ZDHHC7: variants seen among roughly 807,000 people sequenced by gnomAD.
ZDHHC7 encodes the protein palmitoyltransferase ZDHHC7.
In ZDHHC7, 12 loss-of-function variants were observed where a neutral mutation model predicts 34.1. The observed-to-expected ratio is 0.35, with a 90% CI of 0.23 to 0.57. The LOEUF (loss-of-function observed/expected upper bound fraction) is 0.57, where lower values mean the gene tolerates loss of function less well. ZDHHC7 is among the 20% of genes least tolerant of loss of function. The pLI, the probability that ZDHHC7 is intolerant of heterozygous loss-of-function variation, is 0.84. For synonymous variants in ZDHHC7, 185 were observed against 155.4 expected (o/e 1.19, Z -1.42); for missense variants, 388 against 402.7 (o/e 0.96, Z 0.31).
At chr16:85,008,441 C>G (rs980747228) in intron 1 of ZDHHC7, among the ~76,000 whole-genome samples, 5 of 152,044 alleles carry the variant, frequency 3.3e-5, no homozygotes, top group African/African-American at 1.2e-4. Context: ...GCCTTTGGTG[C>G]TTCCCCATCT....
chr16:85,024,928 C>T, the ZDHHC7 span, among the ~76,000 whole-genome samples: 1 of 152,128 alleles, frequency 6.6e-6, no homozygotes, highest in Non-Finnish European at 1.5e-5. Flanking sequence ...TCCATGGGGG[C>T]TGCTAAGCTG....
intron 3 of ZDHHC7, among the ~76,000 whole-genome samples, chr16:84,988,179 A>T (rs1420102157): frequency 6.6e-6 from 1 of 152,174 alleles, no homozygotes; most frequent in Admixed American, 6.5e-5. Context: ...TCAAAAAAAA[A>T]AGTCTGTGAA....
intron 3 of ZDHHC7, among the ~76,000 whole-genome samples, chr16:84,988,102 C>T (rs1402467853): frequency 6.6e-5 from 10 of 152,082 alleles, no homozygotes; most frequent in Non-Finnish European, 1.0e-4. Flanking sequence ...CCCCTGGGGG[C>T]GGAGGTTGCA....
chr16:84,987,448 G>T (rs1047318387), intron 3 of ZDHHC7, among the ~76,000 whole-genome samples: 8 of 145,262 alleles, frequency 5.5e-5, no homozygotes, highest in Admixed American at 3.4e-4. Flanking sequence ...TTTGGGGTTT[G>T]TTTTTTTTTT....
chr16:85,026,503 C>T, the ZDHHC7 span, among the ~76,000 whole-genome samples: 7 of 151,952 alleles, frequency 4.6e-5, no homozygotes. Context: ...CTGAAGGCTC[C>T]ATAACCCTCA....
At chr16:85,022,076 C>G in the ZDHHC7 span, among the ~76,000 whole-genome samples, 1 of 151,068 alleles carries the variant, frequency 6.6e-6, no homozygotes, top group African/African-American at 2.4e-5. Context: ...AGGAGAATGG[C>G]GTGAACCCGG....
chr16:84,978,421 G>C (rs1009542287), intron 5 of ZDHHC7, among the ~76,000 whole-genome samples: 1 of 152,190 alleles, frequency 6.6e-6, no homozygotes, highest in Non-Finnish European at 1.5e-5. Flanking sequence ...GATCATATTA[G>C]ACCAAGTAGA....
At chr16:84,985,462 G>A (rs1380832012) in intron 3 of ZDHHC7, among the ~76,000 whole-genome samples, 1 of 152,180 alleles carries the variant, frequency 6.6e-6, no homozygotes, top group African/African-American at 2.4e-5. Flanking sequence ...AAATGCTGGG[G>A]ACGAGGAGCA....
At chr16:84,985,118 C>T (rs2072420025) in intron 3 of ZDHHC7, among the ~76,000 whole-genome samples, 1 of 152,240 alleles carries the variant, frequency 6.6e-6, no homozygotes, top group Non-Finnish European at 1.5e-5. Flanking sequence ...GGCTCCAGGC[C>T]ATGGGATGCC....
chr16:85,023,752 A>G, the ZDHHC7 span, among the ~76,000 whole-genome samples: 1 of 151,976 alleles, frequency 6.6e-6, no homozygotes, highest in East Asian at 1.9e-4. Flanking sequence ...CCAAGTAGCC[A>G]GGACTACAGG....
intron 1 of ZDHHC7, among the ~76,000 whole-genome samples, chr16:84,998,393 G>A (rs1239873466): frequency 6.6e-6 from 1 of 152,074 alleles, no homozygotes; most frequent in Non-Finnish European, 1.5e-5. Context: ...CTCTGGCTTC[G>A]GCGCCGGCTG....
chr16:85,021,953 G>A, the ZDHHC7 span, among the ~76,000 whole-genome samples: 4 of 149,652 alleles, frequency 2.7e-5, no homozygotes, highest in Admixed American at 6.7e-5. Context: ...TCAGGAGATC[G>A]GGACCATCCT....
intron 3 of ZDHHC7, among the ~76,000 whole-genome samples, chr16:84,987,916 TC>T (rs2143621591): frequency 6.6e-6 from 1 of 152,246 alleles, no homozygotes; most frequent in East Asian, 1.9e-4. Context: ...CCTGTAATCA[TC>T]CCAGCACTTC....
chr16:84,976,410 A>T lies in ZDHHC7; in HGVS notation c.860T>A (p.Phe287Tyr). The T allele has an allele frequency of 6.2e-7, 1 of 1,614,090 alleles. No individual in the cohort carries two copies. The highest frequency in any genetic ancestry group is 1.3e-5 in the African/African-American group (1 of 75,028). The change falls in exon 8 of 8, where the codon TTT (phenylalanine) becomes TAT (tyrosine). Residue 287 changes from phenylalanine (F) to tyrosine (Y), a missense_variant. Transcript: ENST00000313732. ...CAGTCGCCTAAATCGGAAGCCCACA[A>T]AGGGATTCATCCAGAGGAGTGAGGG... ...GPPSLLWMNP[F>Y]VGFRFRRLPT...
At chr16:84,996,685 C>G (rs974506996) in intron 1 of ZDHHC7, among the ~76,000 whole-genome samples, 1 of 152,086 alleles carries the variant, frequency 6.6e-6, no homozygotes, top group Admixed American at 6.6e-5. Context: ...AGGGAAACCC[C>G]CGCCACGGAC....
intron 3 of ZDHHC7, among the ~76,000 whole-genome samples, chr16:84,989,738 G>C (rs539830477): frequency 6.6e-6 from 1 of 151,188 alleles, no homozygotes; most frequent in Admixed American, 6.6e-5. Context: ...TAACGTCTGG[G>C]TACCTTCTTT....
intron 3 of ZDHHC7, among the ~76,000 whole-genome samples, chr16:84,982,833 A>G (rs2072388159): frequency 6.6e-6 from 1 of 152,248 alleles, no homozygotes. Context: ...ATGGCGAAGC[A>G]GCGGAAAGAG....
chr16:84,980,924 C>T (rs2143565520), intron 4 of ZDHHC7, among the ~76,000 whole-genome samples: 1 of 152,294 alleles, frequency 6.6e-6, no homozygotes, highest in Middle Eastern at 3.4e-3. Flanking sequence ...GGATATGAAT[C>T]TCTTAAAGCT....
At chr16:84,979,936 A>G (rs945810635) in intron 4 of ZDHHC7, among the ~76,000 whole-genome samples, 7 of 147,314 alleles carry the variant, frequency 4.8e-5, no homozygotes, top group Admixed American at 6.8e-5. Flanking sequence ...CAGACTTGCT[A>G]TCATAGCGTC....
Sources: gnomAD v4.1 joint callset for allele counts (sites outside exome capture counted in the v4.1 genomes callset) on GRCh38, gnomAD v4.1.1 for gene constraint, MANE v1.5 for transcripts, NCBI Gene and HGNC (gene_info 2026-07-23, HGNC 2026-07-21) for gene names.